The following ZNF827 variants were observed in gnomAD, a reference collection of about 807,000 sequenced individuals.
ZNF827 encodes zinc finger protein 827.
Under a neutral mutation model 102.4 loss-of-function variants are expected in ZNF827, and 13 were observed. The observed-to-expected ratio is 0.13, with a 90% CI of 0.08 to 0.20. The LOEUF is 0.20. Among genes scored for constraint, ZNF827 ranks in the 10% least tolerant of loss-of-function variants. The pLI is 1.00. For synonymous variants in ZNF827, 523 were observed against 536.2 expected (o/e 0.98, Z 0.34); for missense variants, 1,103 against 1,344.4 (o/e 0.82, Z 2.81).
intron 1 of ZNF827, among the ~76,000 whole-genome samples, chr4:145,935,140 T>C (rs1295583548): frequency 6.6e-6 from 1 of 152,198 alleles, no homozygotes; most frequent in Non-Finnish European, 1.5e-5. Flanking sequence ...AACCCTGAGA[T>C]GACTTCTAGG....
intron 3 of ZNF827, among the ~76,000 whole-genome samples, chr4:145,887,398 T>TACTTTTAA (rs2126828831): frequency 6.6e-6 from 1 of 152,284 alleles, no homozygotes; most frequent in Admixed American, 6.5e-5. Context: ...AGCCAAAACA[T>TACTTTTAA]ACTTTTAAAT....
chr4:145,791,008 G>T (rs2127054005), intron 8 of ZNF827, among the ~76,000 whole-genome samples: 2 of 152,284 alleles, frequency 1.3e-5, no homozygotes, highest in South Asian at 4.1e-4. Context: ...TATATGATGG[G>T]AGTTTCTGTT....
At chr4:145,792,523 T>G (rs1453024629) in intron 8 of ZNF827, among the ~76,000 whole-genome samples, 1 of 148,350 alleles carries the variant, frequency 6.7e-6, no homozygotes, top group Non-Finnish European at 1.5e-5. Flanking sequence ...AGCCTAGGAA[T>G]AGATATATAA....
rs545882548 is a variant in ZNF827, at chr4:145,809,831, C to T, written c.2383+13591G>A. Among the ~76,000 whole-genome samples, 8 of 152,282 alleles carry T rather than the reference C, an allele frequency of 5.3e-5. 1 individual carries two copies. In the South Asian group the frequency reaches 1.7e-3, roughly 32 times the overall value. On this transcript the variant is annotated intron_variant, in intron 8 of 14. Coordinates refer to ENST00000508784, the MANE Select transcript of ZNF827 (RefSeq NM_001306215.2). ...ATCAGCAGCACCCATTCCCTAGCCC[C>T]CTGCCCACCAAATTATCCATAAAAA...
At chr4:145,925,285 A>G (rs1472638937) in intron 1 of ZNF827, among the ~76,000 whole-genome samples, 2 of 152,190 alleles carry the variant, frequency 1.3e-5, no homozygotes, top group Non-Finnish European at 2.9e-5. Context: ...TCAGCTAATG[A>G]CATTTCTTCT....
intron 1 of ZNF827, among the ~76,000 whole-genome samples, chr4:145,908,387 A>G (rs1347143710): frequency 6.6e-6 from 1 of 152,136 alleles, no homozygotes; most frequent in African/African-American, 2.4e-5. Flanking sequence ...CTCTCTAACA[A>G]TCAGTGTCTC....
chr4:145,786,278 C>T (rs561038243), intron 8 of ZNF827, among the ~76,000 whole-genome samples: 2 of 152,264 alleles, frequency 1.3e-5, no homozygotes, highest in African/African-American at 2.4e-5. Context: ...TCCCTGTATT[C>T]CCTGACAAAA....
intron 8 of ZNF827, among the ~76,000 whole-genome samples, chr4:145,788,266 T>G (rs1739177634): frequency 6.6e-6 from 1 of 152,208 alleles, no homozygotes; most frequent in Admixed American, 6.5e-5. Context: ...GCAGGTCATA[T>G]TAAATCAATA....
chr4:145,904,805 G>C (rs1032317959), intron 1 of ZNF827, among the ~76,000 whole-genome samples: 5 of 152,216 alleles, frequency 3.3e-5, no homozygotes, highest in African/African-American at 4.8e-5. Context: ...CTGCAGAAAG[G>C]TCTTCTGAAT....
At chr4:145,830,379 C>T (rs1406057878) in intron 7 of ZNF827, 1 of 151,954 alleles carries the variant, frequency 6.6e-6, no homozygotes, top group Non-Finnish European at 1.5e-5. Flanking sequence ...ACCTCCTCAA[C>T]ATTTCCTCAA....
At chr4:145,832,569 T>C (rs1164776758) in intron 7 of ZNF827, 1 of 152,238 alleles carries the variant, frequency 6.6e-6, no homozygotes, top group African/African-American at 2.4e-5. Flanking sequence ...ATTTTGACAA[T>C]TGGTACCAAT....
rs1231243455 is a variant in ZNF827 at position 145,891,490 on chromosome 4, TC to T, written c.1266+752del. On this transcript the variant is annotated intron_variant, in intron 3 of 14. Coordinates refer to ENST00000508784, the MANE Select transcript of ZNF827 (RefSeq NM_001306215.2). ...AAAAGATTTCCATCTAACTAAGTTT[TC>T]CCCCATCTCATATAAGAGGGACTCA... Among the ~76,000 whole-genome samples the T allele has an allele frequency of 2.0e-5, 3 of 152,214 alleles. No homozygotes were observed. The East Asian group carries it at 5.8e-4, about 29-fold the overall frequency.
intron 1 of ZNF827, among the ~76,000 whole-genome samples, chr4:145,935,981 T>C (rs558791629): frequency 1.8e-4 from 28 of 152,208 alleles, no homozygotes; most frequent in African/African-American, 6.7e-4. Flanking sequence ...CCAACATTTT[T>C]TTTTTTAAAG....
At position 145,902,858 on chromosome 4, in the gene ZNF827, A is replaced by G; in HGVS notation, c.401T>C (p.Leu134Pro). 6.2e-7 allele frequency: 1 copy of G among 1,614,028 alleles called. No individual in the cohort carries two copies. The highest frequency in any genetic ancestry group is 8.5e-7 in the Non-Finnish European group (1 of 1,180,000). ...GCCATTAGCCGTGGCTGCAGCATCG[A>G]GTTTGAGGGAACCAGCCTCCAGCAG... ...RRLLEAGSLK[L>P]DAAATANGRV... Residue 134 changes from leucine to proline, a missense_variant, in exon 2 of 15, where the codon CTC becomes CCC. Around this residue, in one of 5 missense-constraint regions of ZNF827, gnomAD observed 441 missense variants for 458.6 expected, o/e 0.96. Coordinates refer to ENST00000508784, the MANE Select transcript of ZNF827 (RefSeq NM_001306215.2). The surrounding 1 kb of genome is among the most constrained non-coding windows in gnomAD (Gnocchi z 4.3).
chr4:145,895,833 C>T (rs1308717002), intron 2 of ZNF827, among the ~76,000 whole-genome samples: 1 of 152,042 alleles, frequency 6.6e-6, no homozygotes, highest in Non-Finnish European at 1.5e-5. Flanking sequence ...AAAGTTAGAA[C>T]CTAAGGAAAG....
At chr4:145,881,725 A>G (rs978242087) in intron 4 of ZNF827, among the ~76,000 whole-genome samples, 4 of 151,880 alleles carry the variant, frequency 2.6e-5, no homozygotes, top group Admixed American at 2.6e-4. Flanking sequence ...CATGAACACA[A>G]CTCACCCAGG....
intron 11 of ZNF827, among the ~76,000 whole-genome samples, chr4:145,771,908 T>C (rs148947994): frequency 6.6e-6 from 1 of 152,302 alleles, no homozygotes; most frequent in East Asian, 1.9e-4. Context: ...CTCATAAAAT[T>C]AGAGAATCTT....
At chr4:145,825,478 G>T (rs1743578591) in intron 7 of ZNF827, among the ~76,000 whole-genome samples, 1 of 152,236 alleles carries the variant, frequency 6.6e-6, no homozygotes, top group Non-Finnish European at 1.5e-5. Flanking sequence ...CGTGTGGCCA[G>T]TGCAGCAGTC....
chr4:145,815,169 A>AT (rs1292980679), intron 8 of ZNF827, among the ~76,000 whole-genome samples: 1 of 152,148 alleles, frequency 6.6e-6, no homozygotes, highest in Non-Finnish European at 1.5e-5. Flanking sequence ...GGGAAATGAC[A>AT]TCTTCAGTTT....
Sources: allele counts gnomAD v4.1 joint callset (sites outside exome capture counted in the v4.1 genomes callset), GRCh38; gene constraint gnomAD v4.1.1; regional missense constraint gnomAD v4.1.1; non-coding constraint Gnocchi (gnomAD v3.1); transcripts MANE v1.5; gene names NCBI Gene and HGNC (gene_info 2026-07-23, HGNC 2026-07-21).